The following SIRT5 variants were observed in gnomAD, a reference collection of about 807,000 sequenced individuals.
SIRT5 encodes sirtuin 5, also known as NAD-dependent protein deacylase sirtuin-5, mitochondrial.
SIRT5 carries 26 observed loss-of-function variants against 40.0 expected under a neutral mutation model. The observed-to-expected ratio is 0.65, with a 90% CI of 0.48 to 0.90. SIRT5 has a LOEUF of 0.90. Ranked by LOEUF, SIRT5 falls within the 40% of genes least tolerant of loss-of-function variation. The pLI is 0.00. For synonymous variants in SIRT5, 146 were observed against 149.1 expected (o/e 0.98, Z 0.15); for missense variants, 401 against 402.4 (o/e 1.00, Z 0.03).
At chr6:13,583,289 C>CTTTTTTTTTTTTTTTTTTTTTTTTGTTTT (rs765557886) in intron 2 of SIRT5, among the ~76,000 whole-genome samples, 1 of 100,536 alleles carries the variant, frequency 9.9e-6, no homozygotes, top group Non-Finnish European at 2.0e-5. Context: ...CTTCTTTGTT[C>CTTTTTTTTTTTTTTTTTTTTTTTTGTTTT]TTTTTTTTTT....
In SIRT5 at chr6:13,590,051, G is replaced by A. The variant is rs149370766; in HGVS notation, c.249+1587G>A. Among the ~76,000 whole-genome samples the A allele has an allele frequency of 2.9e-3, 443 of 152,216 alleles. 6 individuals carry two copies. In the South Asian group the frequency reaches 0.042, roughly 14 times the overall value. ...TACCACTAAGCAGAGGGGCCTTTAC[G>A]GTAGAATGAAATGCACATGTGTTCA... On this transcript the variant is annotated intron_variant, in intron 4 of 9. Coordinates refer to ENST00000606117, the MANE Select transcript of SIRT5 (RefSeq NM_012241.5).
At chr6:13,575,536 ATATT>A (rs1277677323) in intron 1 of SIRT5, among the ~76,000 whole-genome samples, 4 of 151,542 alleles carry the variant, frequency 2.6e-5, no homozygotes, top group African/African-American at 9.7e-5. Flanking sequence ...ATATAAATAT[ATATT>A]TATATAATTA....
chr6:13,584,358 C>CTT, intron 3 of SIRT5, 133 bp downstream of exon 3: 325 of 505,088 alleles, frequency 6.4e-4, no homozygotes, highest in East Asian at 1.8e-3. Flanking sequence ...GTCATCTTCT[C>CTT]TTTTTTTTTT....
chr6:13,584,049 CTATT>C lies in SIRT5; in HGVS notation c.-35-25_-35-22del, dbSNP rs1344091501. 6.6e-6 allele frequency: 7 copies of C among 1,065,170 alleles called. No homozygotes were observed. The Admixed American group carries it at 1.2e-4, about 19-fold the overall frequency. The allele number at this position is 1,065,170 out of a possible 1,614,324, so 66.0% of individuals were successfully genotyped here. A position where few individuals can be genotyped will look rare whatever the true frequency, so the allele number is the denominator to read the frequency against. ...AAAATATTTGCTGATTGTTTCTACACTATTTGTTTTTGTGATTTTTCTAAAGCCC... is the reference window on the plus strand; with the variant it reads ...AAAATATTTGCTGATTGTTTCTACACTGTTTTTGTGATTTTTCTAAAGCCC... On this transcript the variant is annotated intron_variant, in intron 2 of 9. Coordinates refer to ENST00000606117, the MANE Select transcript of SIRT5 (RefSeq NM_012241.5).
At chr6:13,593,317 G>A (rs1761171652) in intron 5 of SIRT5, among the ~76,000 whole-genome samples, 1 of 152,136 alleles carries the variant, frequency 6.6e-6, no homozygotes, top group East Asian at 1.9e-4. Flanking sequence ...AGATCACCCT[G>A]ATAAGGAAAG....
At chr6:13,589,979 G>C (rs1760620089) in intron 4 of SIRT5, among the ~76,000 whole-genome samples, 1 of 152,326 alleles carries the variant, frequency 6.6e-6, no homozygotes, top group African/African-American at 2.4e-5. Context: ...TCTAGGTGAA[G>C]AGCAGGGTCG....
chr6:13,596,195 G>A (rs943257798), intron 6 of SIRT5, among the ~76,000 whole-genome samples: 1 of 152,036 alleles, frequency 6.6e-6, no homozygotes, highest in Non-Finnish European at 1.5e-5. Flanking sequence ...GGGATTATGG[G>A]TAATTTTTAA....
intron 1 of SIRT5, among the ~76,000 whole-genome samples, chr6:13,575,675 T>C (rs1274256626): frequency 6.6e-6 from 1 of 152,172 alleles, no homozygotes. Context: ...TTTTTTGTGG[T>C]GAAAATCTAC....
intron 9 of SIRT5, 90 bp downstream of exon 9, chr6:13,601,039 T>TA: frequency 1.1e-6 from 1 of 949,288 alleles, no homozygotes; most frequent in Non-Finnish European, 1.6e-6. Context: ...CTCTAATTTT[T>TA]AAAAAAGACA....
Position 13,584,159 on chromosome 6 carries a change from T to C in SIRT5, c.49T>C (p.Cys17Arg). ...VPSRLISQLY[C>R]GLKPPASTRN... ...AAGTCGATTGATTTCCCAGCTATATTGTGGCCTGAAGCCTCCAGCGTCCAC... is the reference window on the plus strand; with the variant it reads ...AAGTCGATTGATTTCCCAGCTATATCGTGGCCTGAAGCCTCCAGCGTCCAC... Residue 17 changes from cysteine (C) to arginine (R), a missense_variant, in exon 3 of 10, where the codon TGT becomes CGT. By Grantham distance (180) the Cys-to-Arg change is radical (BLOSUM62 -3). Transcript: ENST00000606117. 2 of 1,614,168 alleles carry C rather than the reference T, an allele frequency of 1.2e-6. No homozygotes were observed. Among genetic ancestry groups the C allele is most frequent in the South Asian group, 1.1e-5 (1 of 91,084 alleles).
chr6:13,615,014 G>A lies in SIRT5; in HGVS notation c.*3149G>A, dbSNP rs1764212709. Reference sequence around the variant, plus strand: ...CAGCGCCTCGGGCCCGCGATTACCGGTTTTCTGAGCACCGGACAGCGTGAG... The same window carrying A: ...CAGCGCCTCGGGCCCGCGATTACCGATTTTCTGAGCACCGGACAGCGTGAG... On this transcript the variant is annotated 3_prime_UTR_variant, in exon 10 of 10. Transcript: ENST00000606117. The A allele has an allele frequency of 7.3e-6, 2 of 273,054 alleles. No individual in the cohort carries two copies. Among genetic ancestry groups the A allele is most frequent in the Non-Finnish European group, 1.4e-5 (2 of 145,126 alleles). The allele number at this position is 273,054 out of a possible 1,614,324, so 16.9% of individuals were successfully genotyped here.
chr6:13,599,039 G>C lies in SIRT5; in HGVS notation c.625G>C (p.Glu209Gln), dbSNP rs533991556. Residue 209 changes from glutamate (E) to glutamine (Q), a missense_variant, in exon 8 of 10, where the codon GAG becomes CAG. Physicochemically the swap from Glu to Gln is conservative, Grantham distance 29 (BLOSUM62 2). Coordinates refer to ENST00000606117, the MANE Select transcript of SIRT5 (RefSeq NM_012241.5). The stretch of plus-strand genomic sequence containing the variant: ...AGGATCCCATTCTTCCAGGTGTGAA[G>C]AGGCAGGCTGCGGGGGCTTGCTGCG... ...IPVEKLPRCE[E>Q]AGCGGLLRPH... The C allele has an allele frequency of 6.2e-7, 1 of 1,613,994 alleles. No individual in the cohort carries two copies. Among genetic ancestry groups the C allele is most frequent in the Admixed American group, 1.7e-5 (1 of 60,004 alleles).
intron 3 of SIRT5, among the ~76,000 whole-genome samples, chr6:13,587,873 A>C (rs1050409342): frequency 6.6e-6 from 1 of 152,214 alleles, no homozygotes; most frequent in East Asian, 1.9e-4. Flanking sequence ...TGGGGGAGGA[A>C]GGGTAGGCTT....
At chr6:13,594,196 C>T (rs888734967) in intron 5 of SIRT5, among the ~76,000 whole-genome samples, 2 of 152,116 alleles carry the variant, frequency 1.3e-5, no homozygotes, top group Non-Finnish European at 2.9e-5. Context: ...ACAAAGTCAC[C>T]CCATTTTTCA....
intron 3 of SIRT5, among the ~76,000 whole-genome samples, chr6:13,587,585 C>G (rs1760248668): frequency 1.3e-5 from 2 of 152,196 alleles, no homozygotes; most frequent in Non-Finnish European, 2.9e-5. Flanking sequence ...TAGCTGCTGT[C>G]CCTGTGGGTC....
Position 13,611,939 on chromosome 6 carries a change from G to A in SIRT5, c.*74G>A. 1.4e-6 allele frequency: 2 copies of A among 1,420,056 alleles called. No individual in the cohort carries two copies. The highest frequency in any genetic ancestry group is 2.0e-6 in the Non-Finnish European group (2 of 1,007,618). The allele number at this position is 1,420,056 out of a possible 1,614,324, so 88.0% of individuals were successfully genotyped here. On this transcript the variant is annotated 3_prime_UTR_variant, in exon 10 of 10. Transcript: ENST00000606117. ...ACGCAGAGGAGAAATGGTCTTATGG[G>A]TGGTGAGCTGAGTACTGAACAATCT...
Position 13,584,290 on chromosome 6 carries a change from C to T in SIRT5, c.115+65C>T, listed in dbSNP as rs964078585. The T allele has an allele frequency of 6.1e-6, 7 of 1,143,764 alleles. 1 individual carries two copies. The highest frequency in any genetic ancestry group is 4.6e-5 in the African/African-American group (3 of 65,654). The allele number at this position is 1,143,764 out of a possible 1,614,324, so 70.9% of individuals were successfully genotyped here. A position where few individuals can be genotyped will look rare whatever the true frequency, so the allele number is the denominator to read the frequency against. The stretch of plus-strand genomic sequence containing the variant: ...TGAAGTACCTGAAAGTCCTACACTT[C>T]GAGAGGAATGTCTCTGTCAAATTAG... On this transcript the variant is annotated intron_variant, in intron 3 of 9. Transcript: ENST00000606117.
chr6:13,599,178 C>G (rs1762029248), intron 8 of SIRT5, 23 bp downstream of exon 8: 2 of 1,610,800 alleles, frequency 1.2e-6, no homozygotes, highest in South Asian at 2.2e-5. Flanking sequence ...CTTCCCTAAC[C>G]CCAGGACAGG....
At chr6:13,589,451 A>G (rs2127646027) in intron 4 of SIRT5, 1 of 152,284 alleles carries the variant, frequency 6.6e-6, no homozygotes, top group Admixed American at 6.5e-5. Context: ...TATTCGTTGC[A>G]TTGTCTCCAG....
Sources: gnomAD v4.1 joint callset for allele counts (sites outside exome capture counted in the v4.1 genomes callset) on GRCh38, gnomAD v4.1.1 for gene constraint, MANE v1.5 for transcripts, NCBI Gene and HGNC (gene_info 2026-07-23, HGNC 2026-07-21) for gene names.